The following CWC27 variants were observed in gnomAD, a reference collection of about 807,000 sequenced individuals.
CWC27 encodes the protein spliceosome-associated protein CWC27 homolog.
A neutral mutation model predicts 63.6 loss-of-function variants in CWC27; 47 were observed. The ratio of observed to expected loss-of-function variants is 0.74; its 90% CI spans 0.58 to 0.94. CWC27 has a LOEUF of 0.94. CWC27 is among the 40% of genes least tolerant of loss of function. The pLI is 0.00. For synonymous variants in CWC27, 175 were observed against 179.8 expected, an observed-to-expected ratio of 0.97 and a Z score of 0.22; for missense variants, 495 against 554.3, an observed-to-expected ratio of 0.89 and a Z score of 1.07.
intron 4 of CWC27, 86 bp downstream of exon 4, chr5:64,784,065 A>T (rs1313158138): frequency 8.6e-7 from 1 of 1,157,246 alleles, no homozygotes; most frequent in Non-Finnish European, 1.2e-6. Context: ...TGATTAACTT[A>T]TCTAAGAGCT....
chr5:64,956,016 A>G (rs1445743015), intron 11 of CWC27, among the ~76,000 whole-genome samples: 2 of 152,242 alleles, frequency 1.3e-5, no homozygotes, highest in East Asian at 1.9e-4. Flanking sequence ...GGCATCAGGA[A>G]ACTTGAAATT....
chr5:64,873,769 G>A (rs75698833), intron 10 of CWC27, among the ~76,000 whole-genome samples: 31 of 152,222 alleles, frequency 2.0e-4, no homozygotes, highest in Admixed American at 3.9e-4. Context: ...CCAATGTCCT[G>A]AGGTGTTTTC....
intron 10 of CWC27, among the ~76,000 whole-genome samples, chr5:64,827,495 C>T (rs1745395385): frequency 6.6e-6 from 1 of 152,134 alleles, no homozygotes; most frequent in Admixed American, 6.6e-5. Context: ...AGGAGTATTG[C>T]TTTGGAGTTA....
At chr5:64,859,541 A>G (rs1264518221) in intron 10 of CWC27, among the ~76,000 whole-genome samples, 3 of 152,228 alleles carry the variant, frequency 2.0e-5, no homozygotes, top group Non-Finnish European at 2.9e-5. Context: ...TAAGGCAAGT[A>G]TTACCCTGAT....
At chr5:64,951,699 T>G (rs1748713342) in intron 11 of CWC27, among the ~76,000 whole-genome samples, 1 of 152,002 alleles carries the variant, frequency 6.6e-6, no homozygotes. Context: ...CATATATAGA[T>G]TTCTCTGTTC....
rs894403227 is a variant in CWC27, at chr5:64,838,069, T to G, written c.938+33683T>G. 2.0e-5 allele frequency among the ~76,000 whole-genome samples: 3 copies of G among 152,210 alleles called. 1 individual carries two copies. The highest frequency in any genetic ancestry group is 7.2e-5 in the African/African-American group (3 of 41,476). ...TTCTCTACAATTAGTGTTGGTCATATAGTTGATTTATTCCTTAGGAATTAG... is the reference window on the plus strand; with the variant it reads ...TTCTCTACAATTAGTGTTGGTCATAGAGTTGATTTATTCCTTAGGAATTAG... On this transcript the variant is annotated intron_variant, in intron 10 of 13. Transcript: ENST00000381070.
intron 10 of CWC27, among the ~76,000 whole-genome samples, chr5:64,807,010 T>C (rs760747885): frequency 1.1e-4 from 17 of 152,140 alleles, no homozygotes; most frequent in Non-Finnish European, 2.2e-4. Flanking sequence ...AAGTCACTGC[T>C]CAGTTTGAGT....
chr5:64,911,361 G>A (rs1246105287), intron 11 of CWC27, among the ~76,000 whole-genome samples: 1 of 152,156 alleles, frequency 6.6e-6, no homozygotes, highest in Non-Finnish European at 1.5e-5. Flanking sequence ...ATTAACTAAG[G>A]CATATGGTTT....
At chr5:64,791,465 T>TC (rs1744078534) in intron 7 of CWC27, among the ~76,000 whole-genome samples, 1 of 148,964 alleles carries the variant, frequency 6.7e-6, no homozygotes, top group Admixed American at 6.7e-5. Flanking sequence ...TTTTTTTTTT[T>TC]CTTTCTTAAA....
At chr5:64,813,947 C>A (rs1744956522) in intron 10 of CWC27, among the ~76,000 whole-genome samples, 1 of 152,022 alleles carries the variant, frequency 6.6e-6, no homozygotes, top group African/African-American at 2.4e-5. Flanking sequence ...TCTTTTACTC[C>A]CCTTTTCCTC....
chr5:64,887,948 T>C (rs1464845497), intron 11 of CWC27, among the ~76,000 whole-genome samples: 1 of 152,154 alleles, frequency 6.6e-6, no homozygotes, highest in East Asian at 1.9e-4. Flanking sequence ...AAAATACTGA[T>C]AATAAAACAT....
At position 64,883,263 on chromosome 5, in the gene CWC27, C is replaced by G. The variant is rs911886339; in HGVS notation, c.939-2180C>G. Among the ~76,000 whole-genome samples the G allele has an allele frequency of 3.9e-5, 6 of 152,114 alleles. No individual in the cohort carries two copies. The South Asian group carries it at 8.3e-4, about 21-fold the overall frequency. ...CAACACATGGGGATTATGGGAACTA[C>G]AATTCAAAATGAGATTTGGGTGGGG... On this transcript the variant is annotated intron_variant, in intron 10 of 13. Coordinates refer to ENST00000381070, the MANE Select transcript of CWC27 (RefSeq NM_005869.4).
At chr5:64,976,256 C>T (rs1749226736) in intron 12 of CWC27, among the ~76,000 whole-genome samples, 1 of 151,954 alleles carries the variant, frequency 6.6e-6, no homozygotes, top group African/African-American at 2.4e-5. Context: ...TTTCTATCGT[C>T]CCAGGATAGG....
At chr5:64,920,409 T>C (rs1747975037) in intron 11 of CWC27, among the ~76,000 whole-genome samples, 1 of 152,240 alleles carries the variant, frequency 6.6e-6, no homozygotes, top group Non-Finnish European at 1.5e-5. Context: ...TCCATGTTTA[T>C]CAGGGATATT....
chr5:64,805,702 A>G (rs1744645564), intron 10 of CWC27, among the ~76,000 whole-genome samples: 1 of 152,082 alleles, frequency 6.6e-6, no homozygotes. Context: ...AATCAATTTC[A>G]AATACTTATA....
intron 11 of CWC27, among the ~76,000 whole-genome samples, chr5:64,934,015 A>G (rs541114293): frequency 1.3e-5 from 2 of 152,334 alleles, no homozygotes; most frequent in African/African-American, 2.4e-5. Flanking sequence ...AAGATAATGC[A>G]GAAAGTATAG....
intron 2 of CWC27, among the ~76,000 whole-genome samples, chr5:64,776,068 C>CAAGAGAGA (rs1743431819): frequency 9.2e-6 from 1 of 108,556 alleles, no homozygotes; most frequent in Non-Finnish European, 1.9e-5. Context: ...AGGAGTGGAG[C>CAAGAGAGA]GAGAGAGAGA....
At chr5:64,817,771 G>A (rs1261464301) in intron 10 of CWC27, among the ~76,000 whole-genome samples, 1 of 152,012 alleles carries the variant, frequency 6.6e-6, no homozygotes, top group Non-Finnish European at 1.5e-5. Flanking sequence ...GCTATACCAT[G>A]AGTCTCAGTT....
chr5:65,001,480 G>A (rs1749731034), intron 13 of CWC27, among the ~76,000 whole-genome samples: 1 of 152,002 alleles, frequency 6.6e-6, no homozygotes, highest in South Asian at 2.1e-4. Context: ...TTATTATATT[G>A]AGGTATGCTC....
Sources: allele counts gnomAD v4.1 joint callset (sites outside exome capture counted in the v4.1 genomes callset), GRCh38; gene constraint gnomAD v4.1.1; transcripts MANE v1.5; gene names NCBI Gene and HGNC (gene_info 2026-07-23, HGNC 2026-07-21).